Variants in CDH23 observed in about 807,000 individuals in gnomAD.
CDH23 encodes cadherin-23.
In CDH23, 189 loss-of-function variants were observed where a neutral mutation model predicts 317.1. The ratio of observed to expected loss-of-function variants is 0.60; its 90% CI spans 0.53 to 0.67. The LOEUF is 0.67. Among genes scored for constraint, CDH23 ranks in the 30% least tolerant of loss-of-function variants. The probability of loss-of-function intolerance (pLI) is 0.00; values close to 1 mark genes in which losing one functional copy is unlikely to be tolerated. For missense variants in CDH23, 4,401 were observed against 4,592.4 expected, an observed-to-expected ratio of 0.96 and a Z score of 1.20; for synonymous variants, 1,839 against 1,876.8, an observed-to-expected ratio of 0.98 and a Z score of 0.52.
In CDH23 at chr10:71,815,647, A is replaced by C; in HGVS notation, c.*369A>C. ...CTCCCAGCTCCACCCCGCAAGCACC[A>C]TCCCCTCCGGCTAAGCAGGCGCAAG... On this transcript the variant is annotated 3_prime_UTR_variant, in exon 70 of 70. Coordinates refer to ENST00000224721, the MANE Select transcript of CDH23 (RefSeq NM_022124.6). The C allele has an allele frequency of 5.4e-6, 1 of 184,584 alleles. No individual in the cohort carries two copies. The highest frequency in any genetic ancestry group is 1.1e-5 in the Non-Finnish European group (1 of 88,628). 11.4% of individuals were successfully genotyped at this position (184,584 alleles called of 1,614,324 possible).
intron 38 of CDH23, among the ~76,000 whole-genome samples, chr10:71,765,940 A>T (rs1031926384): frequency 6.6e-6 from 1 of 152,002 alleles, no homozygotes; most frequent in African/African-American, 2.4e-5. Flanking sequence ...AGGCCAGAAA[A>T]CACCCCATTT....
At chr10:71,545,910 G>A (rs150968208) in intron 6 of CDH23, among the ~76,000 whole-genome samples, 87 of 152,314 alleles carry the variant, frequency 5.7e-4, no homozygotes, top group Middle Eastern at 6.8e-3. Flanking sequence ...CCCCCAGGGA[G>A]TGACGGGCAA....
Position 71,815,467 on chromosome 10 carries a change from G to A in CDH23, c.*189G>A. ...TTTGCCAGACGCTCATTCAGCATCT[G>A]ACCTCTACCTTCATAAGATCTGTTA... On this transcript the variant is annotated 3_prime_UTR_variant, in exon 70 of 70. Coordinates refer to ENST00000224721, the MANE Select transcript of CDH23 (RefSeq NM_022124.6). 1.9e-6 allele frequency: 1 copy of A among 515,070 alleles called. No individual in the cohort carries two copies. The highest frequency in any genetic ancestry group is 3.4e-5 in the Admixed American group (1 of 29,030). 31.9% of individuals were successfully genotyped at this position (515,070 alleles called of 1,614,324 possible).
At chr10:71,603,357 G>C (rs1426176983) in intron 9 of CDH23, among the ~76,000 whole-genome samples, 2 of 152,210 alleles carry the variant, frequency 1.3e-5, no homozygotes, top group Non-Finnish European at 2.9e-5. Context: ...TGCACAGACT[G>C]AGATGGCTTT....
intron 3 of CDH23, among the ~76,000 whole-genome samples, chr10:71,447,599 A>G (rs1296218554): frequency 6.6e-6 from 1 of 151,942 alleles, no homozygotes; most frequent in Admixed American, 6.5e-5. Context: ...CTTTGGTGAT[A>G]GATCAGTGTT....
Position 71,740,841 on chromosome 10 carries a change from G to T in CDH23, c.4508G>T (p.Gly1503Val). 1 of 1,613,740 alleles carries T rather than the reference G, an allele frequency of 6.2e-7. No individual in the cohort carries two copies. Among genetic ancestry groups the T allele is most frequent in the Non-Finnish European group, 8.5e-7 (1 of 1,179,862 alleles). ...YILQVVASDR[G>V]TPPRKKDHIL... ...TTGCAGGTTGTGGCTTCTGACCGAGGCACCCCTCCACGGAAGAAGGACCAC... is the reference window on the plus strand; with the variant it reads ...TTGCAGGTTGTGGCTTCTGACCGAGTCACCCCTCCACGGAAGAAGGACCAC... Residue 1503 changes from glycine (G) to valine (V), a missense_variant, in exon 37 of 70, where the codon GGC becomes GTC. This residue lies in a region of CDH23 where 3,068 missense variants were observed against 3,203.3 expected (regional missense o/e 0.96). Transcript: ENST00000224721.
intron 3 of CDH23, among the ~76,000 whole-genome samples, chr10:71,451,884 G>A (rs906861063): frequency 1.1e-4 from 17 of 152,182 alleles, no homozygotes; most frequent in African/African-American, 3.6e-4. Flanking sequence ...GGCAGGACCC[G>A]GGGGCTGGCT....
intron 14 of CDH23, among the ~76,000 whole-genome samples, chr10:71,653,060 C>T (rs1007487444): frequency 5.3e-5 from 8 of 152,110 alleles, no homozygotes; most frequent in African/African-American, 1.7e-4. Context: ...CCTCTCTCAG[C>T]TCCCATCTGG....
At chr10:71,453,587 G>C (rs1850552231) in intron 3 of CDH23, among the ~76,000 whole-genome samples, 1 of 152,260 alleles carries the variant, frequency 6.6e-6, no homozygotes, top group Non-Finnish European at 1.5e-5. Flanking sequence ...CAGCCCTGGT[G>C]CTCCAGAAGG....
At chr10:71,642,011 G>T (rs368457245) in intron 11 of CDH23, among the ~76,000 whole-genome samples, 1 of 152,112 alleles carries the variant, frequency 6.6e-6, no homozygotes, top group Non-Finnish European at 1.5e-5. Context: ...TGTGAGAATC[G>T]CTTGAACCTG....
chr10:71,582,918 A>G (rs962618496), intron 9 of CDH23, among the ~76,000 whole-genome samples: 4 of 152,204 alleles, frequency 2.6e-5, no homozygotes, highest in African/African-American at 9.7e-5. Flanking sequence ...AGGAGGCACA[A>G]GATATGCTGA....
chr10:71,560,704 C>T (rs1857088089), intron 6 of CDH23, among the ~76,000 whole-genome samples: 1 of 152,042 alleles, frequency 6.6e-6, no homozygotes, highest in African/African-American at 2.4e-5. Context: ...AGCCCCTCTC[C>T]TCTCCCCACC....
chr10:71,571,854 G>A lies in CDH23; in HGVS notation c.753+936G>A, dbSNP rs146954831. On this transcript the variant is annotated intron_variant, in intron 8 of 69. Coordinates refer to ENST00000224721, the MANE Select transcript of CDH23 (RefSeq NM_022124.6). Reference sequence around the variant, plus strand: ...GGGCACCCGCCTAAGGCTCGTGAGCGTTCAGGGCCCCACCCGCACCCCTGC... The same window carrying A: ...GGGCACCCGCCTAAGGCTCGTGAGCATTCAGGGCCCCACCCGCACCCCTGC... Among the ~76,000 whole-genome samples, 22 of 152,364 alleles carry A rather than the reference G, an allele frequency of 1.4e-4. No homozygotes were observed. The Middle Eastern group carries it at 0.01, about 71-fold the overall frequency.
At chr10:71,413,901 T>C (rs1032484152) in intron 1 of CDH23, among the ~76,000 whole-genome samples, 25 of 152,312 alleles carry the variant, frequency 1.6e-4, no homozygotes, top group African/African-American at 6.0e-4. Flanking sequence ...TTCTAAATAT[T>C]GTCTTCTTTT....
intron 38 of CDH23, among the ~76,000 whole-genome samples, chr10:71,742,821 C>T (rs1839773161): frequency 6.6e-6 from 1 of 152,206 alleles, no homozygotes; most frequent in Non-Finnish European, 1.5e-5. Context: ...AAAACAATAA[C>T]CACATAGTTA....
In CDH23 at chr10:71,722,596, G is replaced by A. The variant is rs76118926; in HGVS notation, c.3370-1449G>A. 3.9e-5 allele frequency among the ~76,000 whole-genome samples: 6 copies of A among 152,326 alleles called. No homozygotes were observed. In the East Asian group the frequency reaches 7.7e-4, roughly 20 times the overall value. On this transcript the variant is annotated intron_variant, in intron 28 of 69. Transcript: ENST00000224721. ...GCCCTTTCTTCCTGTGGGGATATGG[G>A]CAATAAGCAAAGATAGCATGTATCA...
chr10:71,668,238 G>A (rs756127611), intron 14 of CDH23, among the ~76,000 whole-genome samples: 4 of 152,140 alleles, frequency 2.6e-5, no homozygotes, highest in South Asian at 2.1e-4. Context: ...AGAGTTGCTG[G>A]GAGCCCGCTC....
At chr10:71,405,016 G>A (rs188842969) in intron 1 of CDH23, among the ~76,000 whole-genome samples, 54 of 152,196 alleles carry the variant, frequency 3.5e-4, no homozygotes, top group East Asian at 2.1e-3. Context: ...GGGCAGAAAG[G>A]GAAAACAAAA....
At position 71,460,713 on chromosome 10, in the gene CDH23, G is replaced by A. The variant is rs571998672; in HGVS notation, c.145+14318G>A. ...AAGAATCAGCTTCCAGCCTCATCGC[G>A]GTGCCAACCATTGTCCCTCCCATCC... On this transcript the variant is annotated intron_variant, in intron 3 of 69. Coordinates refer to ENST00000224721, the MANE Select transcript of CDH23 (RefSeq NM_022124.6). Among the ~76,000 whole-genome samples the A allele has an allele frequency of 5.9e-5, 9 of 152,304 alleles. 1 individual carries two copies. In the South Asian group the frequency reaches 1.0e-3, roughly 18 times the overall value.
Sources: gnomAD v4.1 joint callset for allele counts (sites outside exome capture counted in the v4.1 genomes callset) on GRCh38, gnomAD v4.1.1 for gene constraint, gnomAD v4.1.1 regional missense constraint, MANE v1.5 for transcripts, NCBI Gene and HGNC (gene_info 2026-07-23, HGNC 2026-07-21) for gene names.